PPP1CB: variants seen among roughly 807,000 people sequenced by gnomAD.
PPP1CB encodes protein phosphatase 1 catalytic subunit beta.
In PPP1CB, 2 loss-of-function variants were observed where a neutral mutation model predicts 43.7. That is an observed-to-expected ratio of 0.05 (90% CI 0.02 to 0.14). The LOEUF is 0.14. PPP1CB is among the 10% of genes least tolerant of loss of function. The pLI is 1.00. For missense variants in PPP1CB, 84 were observed against 398.0 expected (o/e 0.21, Z 6.71); for synonymous variants, 136 against 135.6 (o/e 1.00, Z -0.02).
chr2:28,783,616 A>T (rs976610984), intron 4 of PPP1CB, among the ~76,000 whole-genome samples: 1 of 151,920 alleles, frequency 6.6e-6, no homozygotes, highest in Non-Finnish European at 1.5e-5. Flanking sequence ...AATTAGCTGG[A>T]TGTGGTGGCG....
chr2:28,755,355 CAA>C, intron 1 of PPP1CB, among the ~76,000 whole-genome samples: 1 of 152,150 alleles, frequency 6.6e-6, no homozygotes. Flanking sequence ...ATGATATTTT[CAA>C]AGAGTCCTTT....
intron 1 of PPP1CB, among the ~76,000 whole-genome samples, chr2:28,762,309 C>A (rs1261392424): frequency 6.6e-6 from 1 of 152,046 alleles, no homozygotes; most frequent in Non-Finnish European, 1.5e-5. Flanking sequence ...AATATCTGTT[C>A]TTTAAGTAGC....
rs112440863 is a variant in PPP1CB, at chr2:28,761,716, C to A, written c.52+9540C>A. Among the ~76,000 whole-genome samples the A allele has an allele frequency of 5.4e-3, 818 of 152,246 alleles. 9 individuals are homozygous for A. The highest frequency in any genetic ancestry group is 0.019 in the African/African-American group (779 of 41,546). ...TACGTATAACAGTTTCTTTACTATT[C>A]CCATTATTCAGCGTTTATAATCTGG... On this transcript the variant is annotated intron_variant, in intron 1 of 7. Coordinates refer to ENST00000395366, the MANE Select transcript of PPP1CB (RefSeq NM_002709.3).
rs1667605536 is a variant in PPP1CB at position 28,801,098 on chromosome 2, C to T, written c.*1795C>T. On this transcript the variant is annotated 3_prime_UTR_variant, in exon 8 of 8. Coordinates refer to ENST00000395366, the MANE Select transcript of PPP1CB (RefSeq NM_002709.3). ...GAGACATTTAAGCACACATTTTATTCACATAGATACTATGTCCTTGACATA... is the reference window on the plus strand; with the variant it reads ...GAGACATTTAAGCACACATTTTATTTACATAGATACTATGTCCTTGACATA... 1 of 151,872 alleles carries T rather than the reference C, an allele frequency of 6.6e-6. No individual in the cohort carries two copies. Among genetic ancestry groups the T allele is most frequent in the South Asian group, 2.1e-4 (1 of 4,796 alleles). The allele number at this position is 151,872 out of a possible 1,614,324, so 9.4% of individuals were successfully genotyped here.
intron 1 of PPP1CB, among the ~76,000 whole-genome samples, chr2:28,776,249 T>G (rs543378864): frequency 7.1e-4 from 107 of 151,704 alleles, no homozygotes; most frequent in South Asian, 2.9e-3. Flanking sequence ...TGTTGTTGTT[T>G]TTTTTCTGTT....
At chr2:28,754,611 T>C (rs1271126149) in intron 1 of PPP1CB, among the ~76,000 whole-genome samples, 3 of 152,218 alleles carry the variant, frequency 2.0e-5, no homozygotes, top group Non-Finnish European at 2.9e-5. Flanking sequence ...GATTCTTAAA[T>C]ATTCTAGGTT....
chr2:28,753,435 C>T (rs1204158008), intron 1 of PPP1CB, among the ~76,000 whole-genome samples: 1 of 152,168 alleles, frequency 6.6e-6, no homozygotes, highest in Non-Finnish European at 1.5e-5. Context: ...GTATTTGCTC[C>T]AGATGTGAAA....
Position 28,764,918 on chromosome 2 carries a change from C to CAA in PPP1CB, c.53-11922_53-11921dup, listed in dbSNP as rs34681782. ...CCTGGGTGACAGAGAGACCCTGTCT[C>CAA]AAAAAAAAAAAATTTATGAGACACC... On this transcript the variant is annotated intron_variant, in intron 1 of 7. Transcript: ENST00000395366. 8.4e-4 allele frequency among the ~76,000 whole-genome samples: 124 copies of CAA among 147,628 alleles called. 1 individual carries two copies. The highest frequency in any genetic ancestry group is 4.5e-3 in the South Asian group (21 of 4,706).
intron 1 of PPP1CB, among the ~76,000 whole-genome samples, chr2:28,757,953 C>G (rs551953553): frequency 2.0e-5 from 3 of 151,656 alleles, no homozygotes; most frequent in South Asian, 2.1e-4. Flanking sequence ...AAGATAGTTG[C>G]ATCTAGTAGG....
intron 5 of PPP1CB, among the ~76,000 whole-genome samples, chr2:28,787,316 G>A (rs1374087469): frequency 1.3e-5 from 2 of 152,008 alleles, no homozygotes; most frequent in South Asian, 2.1e-4. Context: ...AAAATTAGCC[G>A]GGCGTGGTAG....
intron 1 of PPP1CB, among the ~76,000 whole-genome samples, chr2:28,770,507 G>A (rs1239024146): frequency 6.6e-6 from 1 of 151,776 alleles, no homozygotes; most frequent in African/African-American, 2.4e-5. Flanking sequence ...GTAAAGAAGG[G>A]CATTATATAA....
intron 6 of PPP1CB, among the ~76,000 whole-genome samples, chr2:28,792,951 A>T (rs573941946): frequency 6.6e-6 from 1 of 152,330 alleles, no homozygotes; most frequent in East Asian, 1.9e-4. Flanking sequence ...CACGCCTGTA[A>T]TCCCAGCACT....
In PPP1CB at chr2:28,797,127, T is replaced by C. The variant is rs77867499; in HGVS notation, c.880-2072T>C. On this transcript the variant is annotated intron_variant, in intron 7 of 7. Transcript: ENST00000395366. ...TTGCACCCCAGGAATAAACCCTTCT[T>C]GATTGTGGTGAGTTAACTTTTTGAT... Among the ~76,000 whole-genome samples, 1,393 of 152,270 alleles carry C rather than the reference T, an allele frequency of 9.1e-3. 22 individuals carry two copies. The highest frequency in any genetic ancestry group is 0.032 in the African/African-American group (1,325 of 41,554).
At chr2:28,764,186 C>T (rs1002111877) in intron 1 of PPP1CB, among the ~76,000 whole-genome samples, 1 of 151,608 alleles carries the variant, frequency 6.6e-6, no homozygotes, top group African/African-American at 2.4e-5. Flanking sequence ...GGGGGCTGGA[C>T]GTGGTGGCTC....
At chr2:28,793,800 A>G in intron 6 of PPP1CB, 63 bp from the exon 7 acceptor site, 1 of 1,582,196 alleles carries the variant, frequency 6.3e-7, no homozygotes, top group Non-Finnish European at 8.6e-7. Flanking sequence ...AACCTTAATT[A>G]GTATAGATGG....
chr2:28,797,266 C>A (rs1443340556), intron 7 of PPP1CB, among the ~76,000 whole-genome samples: 1 of 152,010 alleles, frequency 6.6e-6, no homozygotes. Flanking sequence ...TTTGGTATTA[C>A]AATGATGCTC....
chr2:28,775,923 C>A (rs904076950), intron 1 of PPP1CB, among the ~76,000 whole-genome samples: 1 of 151,982 alleles, frequency 6.6e-6, no homozygotes, highest in African/African-American at 2.4e-5. Context: ...ATCTAAATAG[C>A]CTTTAGAGGT....
At chr2:28,761,181 C>T (rs1390153761) in intron 1 of PPP1CB, among the ~76,000 whole-genome samples, 1 of 152,106 alleles carries the variant, frequency 6.6e-6, no homozygotes, top group Non-Finnish European at 1.5e-5. Context: ...TGAGCCACCG[C>T]GCCCGGCCGA....
chr2:28,788,899 C>A lies in PPP1CB; in HGVS notation c.744+90C>A, dbSNP rs541330953. 5 of 1,329,744 alleles carry A rather than the reference C, an allele frequency of 3.8e-6. No homozygotes were observed. In the East Asian group the frequency reaches 1.2e-4, roughly 33 times the overall value. The allele number at this position is 1,329,744 out of a possible 1,614,324, so 82.4% of individuals were successfully genotyped here. A position where few individuals can be genotyped will look rare whatever the true frequency, so the allele number is the denominator to read the frequency against. ...GGCAGACAGATTCTTGTTCTGTCAC[C>A]CAGGCTGGAGTGCAATGGCGCAATC... On this transcript the variant is annotated intron_variant, in intron 6 of 7. Coordinates refer to ENST00000395366, the MANE Select transcript of PPP1CB (RefSeq NM_002709.3).
Sources: allele counts gnomAD v4.1 joint callset (sites outside exome capture counted in the v4.1 genomes callset), GRCh38; gene constraint gnomAD v4.1.1; transcripts MANE v1.5; gene names NCBI Gene and HGNC (gene_info 2026-07-23, HGNC 2026-07-21).